GRIN2A: variants seen among roughly 807,000 people sequenced by gnomAD.
GRIN2A encodes the protein glutamate receptor ionotropic, NMDA 2A.
Under a neutral mutation model 113.4 loss-of-function variants are expected in GRIN2A, and 22 were observed. The ratio of observed to expected loss-of-function variants is 0.19; its 90% CI spans 0.14 to 0.28. The LOEUF is 0.28. GRIN2A is among the 10% of genes least tolerant of loss of function. The pLI, the probability that GRIN2A is intolerant of heterozygous loss-of-function variation, is 1.00. For missense variants in GRIN2A, 1,502 were observed against 1,887.0 expected (o/e 0.80, Z 3.78); for synonymous variants, 827 against 738.4 (o/e 1.12, Z -1.94).
chr16:10,050,313 T>C (rs576844015), intron 2 of GRIN2A, among the ~76,000 whole-genome samples: 1 of 152,100 alleles, frequency 6.6e-6, no homozygotes. Context: ...CCAGTACCAG[T>C]CCATGACCTA....
At chr16:9,971,493 A>G (rs2045668943) in intron 2 of GRIN2A, among the ~76,000 whole-genome samples, 2 of 152,244 alleles carry the variant, frequency 1.3e-5, no homozygotes, top group African/African-American at 4.8e-5. Context: ...AAAACCACCT[A>G]GTAGAGCCCA....
At chr16:9,904,167 C>A (rs2043986193) in intron 3 of GRIN2A, among the ~76,000 whole-genome samples, 1 of 152,188 alleles carries the variant, frequency 6.6e-6, no homozygotes, top group South Asian at 2.1e-4. Flanking sequence ...GGCTGCTATA[C>A]CAAACTATCA....
intron 3 of GRIN2A, among the ~76,000 whole-genome samples, chr16:9,931,699 G>A (rs2044597892): frequency 6.6e-6 from 1 of 152,116 alleles, no homozygotes; most frequent in Admixed American, 6.6e-5. Context: ...TGTAAAATGT[G>A]TCCCCTCCGC....
At chr16:10,048,054 T>C (rs1477759945) in intron 2 of GRIN2A, among the ~76,000 whole-genome samples, 1 of 152,188 alleles carries the variant, frequency 6.6e-6, no homozygotes, top group East Asian at 1.9e-4. Flanking sequence ...ACTAAAACAC[T>C]ATCCCTTTAC....
intron 2 of GRIN2A, among the ~76,000 whole-genome samples, chr16:10,127,078 C>G (rs2048954775): frequency 6.6e-6 from 1 of 152,178 alleles, no homozygotes; most frequent in African/African-American, 2.4e-5. Context: ...CTGACAGCAA[C>G]AGGGGCCAAG....
chr16:9,959,469 A>G (rs1404532152), intron 2 of GRIN2A, among the ~76,000 whole-genome samples: 1 of 152,198 alleles, frequency 6.6e-6, no homozygotes, highest in African/African-American at 2.4e-5. Flanking sequence ...TTTTGGAATC[A>G]CTTCAATCTA....
chr16:10,124,690 G>C (rs962539178), intron 2 of GRIN2A, among the ~76,000 whole-genome samples: 1 of 152,138 alleles, frequency 6.6e-6, no homozygotes, highest in Admixed American at 6.5e-5. Flanking sequence ...ATTCATTCAT[G>C]ATATTTATAA....
At chr16:10,019,116 G>C (rs1048645223) in intron 2 of GRIN2A, among the ~76,000 whole-genome samples, 1 of 73,054 alleles carries the variant, frequency 1.4e-5, no homozygotes, top group African/African-American at 4.4e-5. Flanking sequence ...CAAATTGCAG[G>C]ATCTGTGCCT....
rs116882944 is a variant in GRIN2A at position 9,799,345 on chromosome 16, C to T, written c.2169-881G>A. On this transcript the variant is annotated intron_variant, in intron 10 of 12. Coordinates refer to ENST00000330684, the MANE Select transcript of GRIN2A (RefSeq NM_001134407.3). ...CCATATGAAGACTGGAGTTATGCTG[C>T]TGCAAGCCAAGGAACTACCAGAAGT... Among the ~76,000 whole-genome samples, 724 of 152,308 alleles carry T rather than the reference C, an allele frequency of 4.8e-3. 4 individuals carry two copies. The highest frequency in any genetic ancestry group is 7.2e-3 in the Non-Finnish European group (492 of 68,028).
chr16:10,117,674 C>A (rs758187388), intron 2 of GRIN2A, among the ~76,000 whole-genome samples: 2 of 152,130 alleles, frequency 1.3e-5, no homozygotes, highest in Non-Finnish European at 2.9e-5. Context: ...ACCATATGCT[C>A]CATCTCTGCA....
chr16:9,908,425 C>T (rs909361340), intron 3 of GRIN2A, among the ~76,000 whole-genome samples: 11 of 151,196 alleles, frequency 7.3e-5, no homozygotes, highest in African/African-American at 1.5e-4. Context: ...TTTCTTTTTA[C>T]TATAGTCCTT....
intron 2 of GRIN2A, among the ~76,000 whole-genome samples, chr16:10,036,043 G>A (rs913907561): frequency 6.6e-6 from 1 of 152,104 alleles, no homozygotes; most frequent in Non-Finnish European, 1.5e-5. Context: ...GATTTCTATG[G>A]AATTTAATTT....
chr16:10,012,086 G>A lies in GRIN2A; in HGVS notation c.415-73535C>T, dbSNP rs111520600. On this transcript the variant is annotated intron_variant, in intron 2 of 12. Coordinates refer to ENST00000330684, the MANE Select transcript of GRIN2A (RefSeq NM_001134407.3). ...ATTTTGGCTTTTTTTGTAAGCTACA[G>A]CACATTCAAGGTCATTTCTATAATA... Among the ~76,000 whole-genome samples the A allele has an allele frequency of 7.2e-3, 1,100 of 152,290 alleles. 13 individuals carry two copies. Among genetic ancestry groups the A allele is most frequent in the African/African-American group, 0.025 (1,038 of 41,558 alleles).
chr16:10,050,803 T>C (rs2047346191), intron 2 of GRIN2A, among the ~76,000 whole-genome samples: 1 of 152,156 alleles, frequency 6.6e-6, no homozygotes, highest in Non-Finnish European at 1.5e-5. Context: ...ACCACTGCTG[T>C]AGAGACAGTG....
chr16:9,842,628 T>C (rs2042700507), intron 5 of GRIN2A, among the ~76,000 whole-genome samples: 1 of 152,156 alleles, frequency 6.6e-6, no homozygotes, highest in Non-Finnish European at 1.5e-5. Context: ...AATAACTGTA[T>C]GGAAAAACAA....
Position 9,931,560 on chromosome 16 carries a change from T to A in GRIN2A, c.1007+6399A>T, listed in dbSNP as rs79589903. 9.7e-3 allele frequency among the ~76,000 whole-genome samples: 1,477 copies of A among 152,272 alleles called. 35 individuals are homozygous for A. The highest frequency in any genetic ancestry group is 0.034 in the African/African-American group (1,401 of 41,522). ...CAAGTCTGTCATACTACCTAGACCA[T>A]GAAGTTTTCTTGATGCCACACTGCC... On this transcript the variant is annotated intron_variant, in intron 3 of 12. Coordinates refer to ENST00000330684, the MANE Select transcript of GRIN2A (RefSeq NM_001134407.3).
rs190082151 is a variant in GRIN2A, at chr16:9,941,771, C to G, written c.415-3220G>C. Among the ~76,000 whole-genome samples, 6 of 152,284 alleles carry G rather than the reference C, an allele frequency of 3.9e-5. No individual in the cohort carries two copies. In the South Asian group the frequency reaches 1.2e-3, roughly 32 times the overall value. ...GATCATAGTAAACATGCTAGAAATA[C>G]TTACTCTATGAGAGTCACGTTGCTC... On this transcript the variant is annotated intron_variant, in intron 2 of 12. Transcript: ENST00000330684.
intron 3 of GRIN2A, among the ~76,000 whole-genome samples, chr16:9,934,242 C>T (rs1343623590): frequency 1.3e-5 from 2 of 148,268 alleles, no homozygotes; most frequent in Non-Finnish European, 2.9e-5. Flanking sequence ...AATTCTTATT[C>T]CTAAGTTTGT....
At chr16:10,100,280 G>T (rs2048368315) in intron 2 of GRIN2A, among the ~76,000 whole-genome samples, 1 of 152,298 alleles carries the variant, frequency 6.6e-6, no homozygotes, top group African/African-American at 2.4e-5. Context: ...GATCGGGTTT[G>T]CATTTTGAAA....
Sources: gnomAD v4.1 joint callset for allele counts (sites outside exome capture counted in the v4.1 genomes callset) on GRCh38, gnomAD v4.1.1 for gene constraint, MANE v1.5 for transcripts, NCBI Gene and HGNC (gene_info 2026-07-23, HGNC 2026-07-21) for gene names.